The following IL1RAPL2 variants were observed in gnomAD, a reference collection of about 807,000 sequenced individuals.
IL1RAPL2 encodes the protein interleukin 1 receptor accessory protein like 2.
IL1RAPL2 carries 3 observed loss-of-function variants against 44.1 expected under a neutral mutation model. The observed-to-expected ratio is 0.07, with a 90% CI of 0.03 to 0.18. The LOEUF (loss-of-function observed/expected upper bound fraction) is 0.18. Ranked by LOEUF, IL1RAPL2 falls within the 10% of genes least tolerant of loss-of-function variation. IL1RAPL2 has a pLI of 1.00. For synonymous variants in IL1RAPL2, 181 were observed against 178.8 expected (o/e 1.01, Z -0.10); for missense variants, 391 against 496.4 (o/e 0.79, Z 2.02).
intron 5 of IL1RAPL2, among the ~76,000 whole-genome samples, chrX:105,296,249 C>G (rs986188802): frequency 9.0e-6 from 1 of 110,760 alleles, no homozygotes; most frequent in African/African-American, 3.3e-5. Flanking sequence ...GCATTTTTCA[C>G]TCTACTATAC....
chrX:105,177,082 G>A (rs1042416237), intron 2 of IL1RAPL2, among the ~76,000 whole-genome samples: 3 of 110,855 alleles, frequency 2.7e-5, no homozygotes, highest in Non-Finnish European at 5.7e-5. Flanking sequence ...TGTCCTGCTA[G>A]GAACCAGGCC....
At chrX:105,209,758 G>T (rs1398273334) in intron 3 of IL1RAPL2, among the ~76,000 whole-genome samples, 1 of 111,812 alleles carries the variant, frequency 8.9e-6, no homozygotes, top group African/African-American at 3.3e-5. Context: ...AGGAAATCAT[G>T]AAAATGTTAA....
At chrX:105,307,058 A>G (rs1396813600) in intron 5 of IL1RAPL2, among the ~76,000 whole-genome samples, 2 of 108,800 alleles carry the variant, frequency 1.8e-5, no homozygotes, top group African/African-American at 6.8e-5. Context: ...GTGTGAGTGT[A>G]AGTGTGCAGA....
chrX:105,188,004 C>A (rs1221335141), intron 2 of IL1RAPL2, among the ~76,000 whole-genome samples: 9 of 111,134 alleles, frequency 8.1e-5, no homozygotes, highest in African/African-American at 2.6e-4. Context: ...TTAATTAGAA[C>A]TTAATAAAGA....
At chrX:105,133,102 A>T (rs1214640798) in intron 2 of IL1RAPL2, among the ~76,000 whole-genome samples, 2 of 112,075 alleles carry the variant, frequency 1.8e-5, no homozygotes, top group East Asian at 2.8e-4. Flanking sequence ...GATGATATCT[A>T]TAACTGTCTA....
chrX:104,682,780 T>A (rs913977707), intron 2 of IL1RAPL2, among the ~76,000 whole-genome samples: 1 of 112,402 alleles, frequency 8.9e-6, no homozygotes, highest in African/African-American at 3.2e-5. Flanking sequence ...TCAAAACAGC[T>A]AGGGGAGAAG....
At chrX:105,667,345 G>A (rs941222486) in intron 6 of IL1RAPL2, among the ~76,000 whole-genome samples, 2 of 112,025 alleles carry the variant, frequency 1.8e-5, no homozygotes, top group African/African-American at 6.5e-5. Context: ...GTTTTAGCTT[G>A]CTTATGTCTA....
intron 2 of IL1RAPL2, among the ~76,000 whole-genome samples, chrX:104,944,332 T>C (rs1278860078): frequency 8.9e-6 from 1 of 112,235 alleles, no homozygotes; most frequent in East Asian, 2.8e-4. Context: ...AAGTTTGGAT[T>C]ATGATAACAT....
intron 6 of IL1RAPL2, among the ~76,000 whole-genome samples, chrX:105,650,725 T>G (rs2037637006): frequency 8.9e-6 from 1 of 111,904 alleles, no homozygotes; most frequent in South Asian, 3.7e-4. Context: ...TTTGGGTTAC[T>G]GAGGAGAGCT....
At chrX:105,179,793 G>T (rs2033511418) in intron 2 of IL1RAPL2, among the ~76,000 whole-genome samples, 4 of 102,733 alleles carry the variant, frequency 3.9e-5, no homozygotes, top group African/African-American at 1.1e-4. Flanking sequence ...TTTTTGCCTA[G>T]GTCATTATTG....
At chrX:105,525,415 G>T (rs771986493) in intron 6 of IL1RAPL2, among the ~76,000 whole-genome samples, 61 of 110,752 alleles carry the variant, frequency 5.5e-4, no homozygotes, top group Non-Finnish European at 7.6e-5. Context: ...AAAACAAAAA[G>T]AATAATATAA....
intron 5 of IL1RAPL2, among the ~76,000 whole-genome samples, chrX:105,399,817 C>T (rs766396387): frequency 9.0e-6 from 1 of 111,042 alleles, no homozygotes; most frequent in Non-Finnish European, 1.9e-5. Flanking sequence ...AGGAGGCAGA[C>T]ATATTATCAC....
intron 1 of IL1RAPL2, among the ~76,000 whole-genome samples, chrX:104,625,475 GTATT>G (rs898010541): frequency 1.8e-5 from 2 of 111,427 alleles, no homozygotes; most frequent in African/African-American, 3.3e-5. Context: ...AATAATGTAA[GTATT>G]TATATCAACA....
intron 2 of IL1RAPL2, among the ~76,000 whole-genome samples, chrX:104,894,168 G>C (rs1321644283): frequency 9.0e-6 from 1 of 111,638 alleles, no homozygotes; most frequent in Non-Finnish European, 1.9e-5. Context: ...TAGTTTGATG[G>C]GCTTCCCTTT....
At chrX:104,675,876 T>A (rs751612450) in intron 2 of IL1RAPL2, among the ~76,000 whole-genome samples, 1 of 106,498 alleles carries the variant, frequency 9.4e-6, no homozygotes, top group Non-Finnish European at 1.9e-5. Flanking sequence ...TCTCTTTCGA[T>A]CTCTGTTGGT....
chrX:104,610,244 C>A (rs1303870567), intron 1 of IL1RAPL2, among the ~76,000 whole-genome samples: 1 of 111,012 alleles, frequency 9.0e-6, no homozygotes, highest in Non-Finnish European at 1.9e-5. Flanking sequence ...CCCTCTCTCA[C>A]CACTCCTATT....
At chrX:104,807,275 C>A (rs916066320) in intron 2 of IL1RAPL2, among the ~76,000 whole-genome samples, 4 of 111,461 alleles carry the variant, frequency 3.6e-5, no homozygotes, top group Non-Finnish European at 5.6e-5. Flanking sequence ...TACCTACTCA[C>A]CAAGGTCAAA....
intron 2 of IL1RAPL2, among the ~76,000 whole-genome samples, chrX:104,904,469 C>G (rs1824229109): frequency 2.7e-5 from 2 of 74,112 alleles, no homozygotes; most frequent in Admixed American, 2.0e-4. Flanking sequence ...CACCCCACAA[C>G]AGTCCCCAGA....
chrX:105,227,404 T>A (rs1298275783), intron 3 of IL1RAPL2, among the ~76,000 whole-genome samples: 4 of 111,610 alleles, frequency 3.6e-5, no homozygotes, highest in African/African-American at 6.5e-5. Flanking sequence ...TGTTTTATTT[T>A]AAAAAAACAA....
Sources: gnomAD v4.1 joint callset for allele counts (sites outside exome capture counted in the v4.1 genomes callset) on GRCh38, gnomAD v4.1.1 for gene constraint, MANE v1.5 for transcripts, NCBI Gene and HGNC (gene_info 2026-07-23, HGNC 2026-07-21) for gene names.